Variants in KCNK9 observed in about 807,000 individuals in gnomAD.
KCNK9 encodes the protein potassium two pore domain channel subfamily K member 9.
A neutral mutation model predicts 10.8 loss-of-function variants in KCNK9; 1 was observed. The observed-to-expected ratio is 0.09, with a 90% CI of 0.03 to 0.44. The LOEUF (loss-of-function observed/expected upper bound fraction) is 0.44, where lower values mean the gene tolerates loss of function less well. Ranked by LOEUF, KCNK9 falls within the 20% of genes least tolerant of loss-of-function variation. KCNK9 has a pLI of 0.97. For synonymous variants in KCNK9, 231 were observed against 222.7 expected (o/e 1.04, Z -0.33); for missense variants, 303 against 515.0 (o/e 0.59, Z 3.98).
intron 1 of KCNK9, among the ~76,000 whole-genome samples, chr8:139,635,977 C>A (rs1815325685): frequency 6.6e-6 from 1 of 152,170 alleles, no homozygotes; most frequent in South Asian, 2.1e-4. Context: ...TGTGGCATGT[C>A]TTCACCTTAA....
chr8:139,698,764 A>G (rs1586700825), intron 1 of KCNK9, among the ~76,000 whole-genome samples: 1 of 152,364 alleles, frequency 6.6e-6, no homozygotes, highest in South Asian at 2.1e-4. Context: ...AACTGCACCA[A>G]GAGTGCCAGG....
chr8:139,651,757 G>A (rs1285691818), intron 1 of KCNK9, among the ~76,000 whole-genome samples: 1 of 152,208 alleles, frequency 6.6e-6, no homozygotes, highest in Admixed American at 6.5e-5. Context: ...TTGGAGAATA[G>A]GAGGAATCAT....
intron 1 of KCNK9, among the ~76,000 whole-genome samples, chr8:139,685,060 A>G (rs139469107): frequency 2.8e-4 from 42 of 152,292 alleles, no homozygotes; most frequent in African/African-American, 9.6e-4. Flanking sequence ...TTTGAGTAAC[A>G]TAACAAATAA....
chr8:139,629,302 T>C (rs893283263), intron 1 of KCNK9, among the ~76,000 whole-genome samples: 1 of 152,232 alleles, frequency 6.6e-6, no homozygotes, highest in South Asian at 2.1e-4. Flanking sequence ...CTACACAGCG[T>C]GCCCCAAGAT....
Position 139,700,076 on chromosome 8 carries a change from T to TA in KCNK9, c.283+2633dup, listed in dbSNP as rs534590242. Among the ~76,000 whole-genome samples the TA allele has an allele frequency of 6.6e-5, 10 of 151,820 alleles. No homozygotes were observed. In the East Asian group the frequency reaches 9.7e-4, roughly 15 times the overall value. On this transcript the variant is annotated intron_variant, in intron 1 of 1. Coordinates refer to ENST00000520439, the MANE Select transcript of KCNK9 (RefSeq NM_001282534.2). ...GGAGCATCTTAATTTGCATTTATAT[T>TA]AAAAAAAGAAAAAAAAACAAACAGA...
chr8:139,661,525 A>AGGAAGG (rs1313349817), intron 1 of KCNK9, among the ~76,000 whole-genome samples: 1 of 152,206 alleles, frequency 6.6e-6, no homozygotes, highest in Non-Finnish European at 1.5e-5. Context: ...CAGAGCCCAC[A>AGGAAGG]GGAAGGGTAT....
At chr8:139,676,268 A>G (rs899747568) in intron 1 of KCNK9, among the ~76,000 whole-genome samples, 1 of 152,202 alleles carries the variant, frequency 6.6e-6, no homozygotes, top group Non-Finnish European at 1.5e-5. Flanking sequence ...TCTTCTCCCA[A>G]CAATGAAGTG....
intron 1 of KCNK9, among the ~76,000 whole-genome samples, chr8:139,622,163 C>T (rs994116510): frequency 6.6e-6 from 1 of 152,178 alleles, no homozygotes; most frequent in Non-Finnish European, 1.5e-5. Flanking sequence ...GAGGACATCC[C>T]TTGGTAAGAC....
At chr8:139,685,147 T>C (rs1156629668) in intron 1 of KCNK9, among the ~76,000 whole-genome samples, 1 of 152,178 alleles carries the variant, frequency 6.6e-6, no homozygotes, top group Non-Finnish European at 1.5e-5. Context: ...TTCATGGAAC[T>C]CAACAAAAAT....
chr8:139,686,033 G>T (rs1294144576), intron 1 of KCNK9, among the ~76,000 whole-genome samples: 1 of 152,132 alleles, frequency 6.6e-6, no homozygotes, highest in Admixed American at 6.5e-5. Context: ...CTGATGACCA[G>T]TATTGATGAG....
intron 1 of KCNK9, among the ~76,000 whole-genome samples, chr8:139,670,367 T>A (rs1049072798): frequency 3.9e-5 from 6 of 151,980 alleles, no homozygotes; most frequent in African/African-American, 1.5e-4. Context: ...TGGAAACAAA[T>A]GACACCAGTG....
Position 139,617,147 on chromosome 8 carries a change from ATG to A in KCNK9, c.*1109_*1110del, listed in dbSNP as rs1814622824. 1 of 152,192 alleles carries A rather than the reference ATG, an allele frequency of 6.6e-6. No homozygotes were observed. The highest frequency in any genetic ancestry group is 2.4e-5 in the African/African-American group (1 of 41,436). 9.4% of individuals were successfully genotyped at this position (152,192 alleles called of 1,614,324 possible). On this transcript the variant is annotated 3_prime_UTR_variant, in exon 2 of 2. Transcript: ENST00000520439. Reference sequence around the variant, plus strand: ...TTCTTGAAATAGATATGTATTTTTAATGAGGAATGCCCTGTCAATTTTCATGA... The same window carrying A: ...TTCTTGAAATAGATATGTATTTTTAAAGGAATGCCCTGTCAATTTTCATGA...
intron 1 of KCNK9, among the ~76,000 whole-genome samples, chr8:139,634,271 G>A (rs1162352694): frequency 6.6e-6 from 1 of 152,218 alleles, no homozygotes; most frequent in Non-Finnish European, 1.5e-5. Context: ...CACCTAAGGG[G>A]GCAGCCAACA....
rs541560140 is a variant in KCNK9 at position 139,660,658 on chromosome 8, A to G, written c.284-41559T>C. On this transcript the variant is annotated intron_variant, in intron 1 of 1. Transcript: ENST00000520439. Reference sequence around the variant, plus strand: ...AATAAAAAAAATAAATCTGGATAAAACTGACATAGATGTGTTTTTCATTGA... The same window carrying G: ...AATAAAAAAAATAAATCTGGATAAAGCTGACATAGATGTGTTTTTCATTGA... 7.9e-5 allele frequency among the ~76,000 whole-genome samples: 12 copies of G among 152,100 alleles called. No individual in the cohort carries two copies. The South Asian group carries it at 2.5e-3, about 32-fold the overall frequency.
At chr8:139,677,406 C>A (rs1816573465) in intron 1 of KCNK9, among the ~76,000 whole-genome samples, 1 of 152,116 alleles carries the variant, frequency 6.6e-6, no homozygotes, top group Non-Finnish European at 1.5e-5. Context: ...GTCCCAGGGG[C>A]TAGTCTGACC....
Position 139,679,945 on chromosome 8 carries a change from G to GT in KCNK9, c.283+22764dup, listed in dbSNP as rs533380057. Among the ~76,000 whole-genome samples the GT allele has an allele frequency of 9.4e-4, 143 of 152,284 alleles. 1 individual carries two copies. Among genetic ancestry groups the GT allele is most frequent in the African/African-American group, 3.4e-3 (140 of 41,540 alleles). The stretch of plus-strand genomic sequence containing the variant: ...GCACCTTGTAGTATGTCACAGCTGG[G>GT]TCGCTCAGGAGGGATGGGGCATCCT... On this transcript the variant is annotated intron_variant, in intron 1 of 1. Transcript: ENST00000520439.
At chr8:139,660,628 AT>A (rs1231319110) in intron 1 of KCNK9, among the ~76,000 whole-genome samples, 63 of 152,218 alleles carry the variant, frequency 4.1e-4, no homozygotes, top group Non-Finnish European at 6.5e-4. Flanking sequence ...CTTTAAAAAA[AT>A]AAAAATAAAA....
intron 1 of KCNK9, among the ~76,000 whole-genome samples, chr8:139,674,907 C>A (rs1242810949): frequency 1.3e-5 from 2 of 152,094 alleles, no homozygotes; most frequent in Non-Finnish European, 2.9e-5. Flanking sequence ...GCTCTTCCTC[C>A]CCCCGAAGCC....
chr8:139,618,325 G>C lies in KCNK9; in HGVS notation c.1058C>G (p.Ser353Cys), dbSNP rs1814662612. 6.2e-7 allele frequency: 1 copy of C among 1,614,074 alleles called. No homozygotes were observed. The highest frequency in any genetic ancestry group is 1.1e-5 in the South Asian group (1 of 91,078). The stretch of plus-strand genomic sequence containing the variant: ...AAAGCTGTGTAACCCAGGAGAGATG[G>C]AGCTAATAGGCGATGGGAAGAGGCT... ...KNSLFPSPIS[S>C]ISPGLHSFTD... The change falls in exon 2 of 2, where the codon TCC becomes TGC. Residue 353 changes from serine (S) to cysteine (C), a missense_variant. Physicochemically the swap from Ser to Cys is moderately radical, Grantham distance 112. Coordinates refer to ENST00000520439, the MANE Select transcript of KCNK9 (RefSeq NM_001282534.2). The surrounding 1 kb of genome is among the most constrained non-coding windows in gnomAD (Gnocchi z 7.9).
Sources: allele counts gnomAD v4.1 joint callset (sites outside exome capture counted in the v4.1 genomes callset), GRCh38; gene constraint gnomAD v4.1.1; non-coding constraint Gnocchi (gnomAD v3.1); transcripts MANE v1.5; gene names NCBI Gene and HGNC (gene_info 2026-07-23, HGNC 2026-07-21).